The following CDH12 variants were observed in gnomAD, a reference collection of about 807,000 sequenced individuals.
CDH12 encodes cadherin 12, also known as cadherin-12.
CDH12 carries 41 observed loss-of-function variants against 74.1 expected under a neutral mutation model. That is an observed-to-expected ratio of 0.55 (90% CI 0.43 to 0.72). CDH12 has a LOEUF of 0.72. Among genes scored for constraint, CDH12 ranks in the 30% least tolerant of loss-of-function variants. CDH12 has a pLI of 0.00. For missense variants in CDH12, 945 were observed against 977.2 expected (o/e 0.97, Z 0.44); for synonymous variants, 399 against 355.0 (o/e 1.12, Z -1.39).
At chr5:21,807,214 G>A (rs907242732) in intron 9 of CDH12, among the ~76,000 whole-genome samples, 3 of 152,086 alleles carry the variant, frequency 2.0e-5, no homozygotes, top group Non-Finnish European at 4.4e-5. Flanking sequence ...CAGCATGGGG[G>A]GGACTGTATT....
intron 1 of CDH12, among the ~76,000 whole-genome samples, chr5:22,814,594 A>C (rs144037105): frequency 9.8e-5 from 15 of 152,324 alleles, no homozygotes; most frequent in Middle Eastern, 3.4e-3. Flanking sequence ...CTTAAAGAAT[A>C]ACTTAGGGTG....
intron 9 of CDH12, among the ~76,000 whole-genome samples, chr5:21,803,294 T>A (rs1747241993): frequency 6.6e-6 from 1 of 152,108 alleles, no homozygotes; most frequent in Non-Finnish European, 1.5e-5. Context: ...AATGTCTGTA[T>A]CAGTATTTAA....
intron 1 of CDH12, among the ~76,000 whole-genome samples, chr5:22,811,655 G>C (rs1749154838): frequency 6.6e-6 from 1 of 152,122 alleles, no homozygotes; most frequent in South Asian, 2.1e-4. Flanking sequence ...TATTTTAAAA[G>C]GAACTATTTT....
intron 1 of CDH12, among the ~76,000 whole-genome samples, chr5:22,840,981 G>C (rs185544282): frequency 6.6e-6 from 1 of 152,246 alleles, no homozygotes; most frequent in African/African-American, 2.4e-5. Flanking sequence ...GAAGGATGCA[G>C]GGAAAACGGA....
intron 3 of CDH12, among the ~76,000 whole-genome samples, chr5:22,281,299 C>T (rs1736871404): frequency 6.6e-6 from 1 of 152,128 alleles, no homozygotes; most frequent in African/African-American, 2.4e-5. Context: ...GAAGAATTCT[C>T]TTTGAAAACC....
chr5:22,283,251 T>TATATACACACACACAC (rs1282673054), intron 3 of CDH12, among the ~76,000 whole-genome samples: 3 of 102,062 alleles, frequency 2.9e-5, no homozygotes, highest in Admixed American at 1.0e-4. Context: ...TATATATATA[T>TATATACACACACACAC]ACACACACAC....
chr5:22,718,009 A>G (rs1249103404), intron 1 of CDH12, among the ~76,000 whole-genome samples: 2 of 152,208 alleles, frequency 1.3e-5, no homozygotes, highest in African/African-American at 4.8e-5. Flanking sequence ...GTACAGCCCG[A>G]GAATCAGCTA....
chr5:22,312,318 C>T (rs1230946203), intron 3 of CDH12, among the ~76,000 whole-genome samples: 3 of 152,076 alleles, frequency 2.0e-5, no homozygotes, highest in Non-Finnish European at 4.4e-5. Context: ...TTATTTCTCA[C>T]AACTTAATGT....
At chr5:22,481,350 T>C (rs1314241918) in intron 2 of CDH12, among the ~76,000 whole-genome samples, 1 of 152,230 alleles carries the variant, frequency 6.6e-6, no homozygotes, top group African/African-American at 2.4e-5. Flanking sequence ...CTTCCGGTTA[T>C]CGATATTCAG....
chr5:22,189,739 TA>T lies in CDH12; in HGVS notation c.-187+22758del, dbSNP rs537459277. ...AGGACAAGAAATAGAAATATCTTTT[TA>T]AAAAAAATTCCTATTTTTAATCATA... On this transcript the variant is annotated intron_variant, in intron 4 of 14. Transcript: ENST00000382254. Among the ~76,000 whole-genome samples, 557 of 152,162 alleles carry T rather than the reference TA, an allele frequency of 3.7e-3. 3 individuals are homozygous for T. Among genetic ancestry groups the T allele is most frequent in the African/African-American group, 0.013 (539 of 41,524 alleles).
chr5:22,380,422 A>G (rs1282644186), intron 3 of CDH12, among the ~76,000 whole-genome samples: 1 of 152,168 alleles, frequency 6.6e-6, no homozygotes, highest in East Asian at 1.9e-4. Flanking sequence ...TCAACACAAA[A>G]TGCCTTTTTT....
intron 9 of CDH12, among the ~76,000 whole-genome samples, chr5:21,812,788 T>C (rs1747820907): frequency 6.6e-6 from 1 of 152,176 alleles, no homozygotes; most frequent in Non-Finnish European, 1.5e-5. Context: ...CCTGAGTTAT[T>C]TTTTAAAGAT....
chr5:22,164,495 A>G (rs1364303983), intron 4 of CDH12, among the ~76,000 whole-genome samples: 1 of 152,214 alleles, frequency 6.6e-6, no homozygotes, highest in Non-Finnish European at 1.5e-5. Flanking sequence ...GCGGCAAAAC[A>G]GCAGTGGTGG....
chr5:22,318,890 AAC>A (rs938440816), intron 3 of CDH12, among the ~76,000 whole-genome samples: 3 of 152,178 alleles, frequency 2.0e-5, no homozygotes, highest in African/African-American at 4.8e-5. Context: ...GGGAAAAAAA[AAC>A]AGTTAATGGC....
intron 8 of CDH12, among the ~76,000 whole-genome samples, chr5:21,832,354 T>C (rs537411731): frequency 6.6e-6 from 1 of 152,198 alleles, no homozygotes; most frequent in Admixed American, 6.6e-5. Context: ...TGTTTTAAAT[T>C]TGCTAATTTT....
intron 1 of CDH12, among the ~76,000 whole-genome samples, chr5:22,627,609 C>G (rs887455068): frequency 6.6e-6 from 1 of 152,082 alleles, no homozygotes; most frequent in South Asian, 2.1e-4. Context: ...AAATGAAAGA[C>G]CATTACCAAC....
rs560276751 is a variant in CDH12, at chr5:22,488,359, G to GT, written c.-428+16910dup. Among the ~76,000 whole-genome samples, 544 of 152,246 alleles carry GT rather than the reference G, an allele frequency of 3.6e-3. 4 individuals are homozygous for GT. The highest frequency in any genetic ancestry group is 0.017 in the Middle Eastern group (5 of 294). ...CAATTTACCTTGCCATCATTTAAAT[G>GT]TTTTTTATTTTTCCAGTGTCATGGC... On this transcript the variant is annotated intron_variant, in intron 2 of 14. Coordinates refer to ENST00000382254, the MANE Select transcript of CDH12 (RefSeq NM_004061.5).
intron 1 of CDH12, among the ~76,000 whole-genome samples, chr5:22,523,796 T>TA (rs1053938601): frequency 6.6e-6 from 1 of 152,048 alleles, no homozygotes; most frequent in Non-Finnish European, 1.5e-5. Flanking sequence ...CTGACCTCTC[T>TA]AGTTGTCTAG....
chr5:22,476,267 T>C (rs1242931881), intron 2 of CDH12, among the ~76,000 whole-genome samples: 1 of 152,076 alleles, frequency 6.6e-6, no homozygotes, highest in African/African-American at 2.4e-5. Flanking sequence ...ATTTTTAAAA[T>C]TGTAGCTATA....
Sources: allele counts gnomAD v4.1 joint callset (sites outside exome capture counted in the v4.1 genomes callset), GRCh38; gene constraint gnomAD v4.1.1; transcripts MANE v1.5; gene names NCBI Gene and HGNC (gene_info 2026-07-23, HGNC 2026-07-21).